The following DOP1B variants were observed in gnomAD, a reference collection of about 807,000 sequenced individuals.
DOP1B encodes DOP1 leucine zipper like protein B.
In DOP1B, 174 loss-of-function variants were observed where a neutral mutation model predicts 233.5. The ratio of observed to expected loss-of-function variants is 0.75; its 90% CI spans 0.66 to 0.85. The LOEUF is 0.85. Among genes scored for constraint, DOP1B ranks in the 40% least tolerant of loss-of-function variants. DOP1B has a pLI of 0.00. For missense variants in DOP1B, 2,652 were observed against 2,846.6 expected (o/e 0.93, Z 1.56); for synonymous variants, 1,190 against 1,185.6 (o/e 1.00, Z -0.08).
chr21:36,268,386 G>A (rs758542593), intron 26 of DOP1B, among the ~76,000 whole-genome samples: 2 of 152,066 alleles, frequency 1.3e-5, no homozygotes, highest in Non-Finnish European at 2.9e-5. Flanking sequence ...CAGACCTTAT[G>A]GTTGTCTTCC....
chr21:36,267,247 A>G (rs1344244287), intron 26 of DOP1B, among the ~76,000 whole-genome samples: 1 of 152,018 alleles, frequency 6.6e-6, no homozygotes, highest in Non-Finnish European at 1.5e-5. Context: ...TCCTCACTTC[A>G]CCCCACTGAG....
chr21:36,277,894 AG>A (rs2067370333), intron 28 of DOP1B, 80 bp from the exon 29 acceptor site: 1 of 1,127,256 alleles, frequency 8.9e-7, no homozygotes, highest in African/African-American at 1.5e-5. Flanking sequence ...CGCCCTCCTC[AG>A]CCTCCCGAAG....
chr21:36,164,696 A>T lies in DOP1B; in HGVS notation c.-26-12A>T, dbSNP rs760059992. ...GGCTCTCTCATTTGGTTATTTTTTG[A>T]TTTGCTTTTAGATACTTTTCTGCTG... is the stretch of plus-strand genomic sequence containing the variant. On this transcript the variant is annotated splice_polypyrimidine_tract_variant and intron_variant, in intron 1 of 36. Transcript: ENST00000691173. 3.9e-6 allele frequency: 6 copies of T among 1,521,904 alleles called. No homozygotes were observed. The highest frequency in any genetic ancestry group is 1.3e-5 in the South Asian group (1 of 78,682). The allele number at this position is 1,521,904 out of a possible 1,614,324, so 94.3% of individuals were successfully genotyped here. A position where few individuals can be genotyped will look rare whatever the true frequency, so the allele number is the denominator to read the frequency against.
intron 2 of DOP1B, among the ~76,000 whole-genome samples, chr21:36,172,952 C>G (rs9974509): frequency 6.6e-6 from 1 of 152,006 alleles, no homozygotes; most frequent in African/African-American, 2.4e-5. Context: ...AACCCTGTCT[C>G]TATTAAAAAT....
chr21:36,174,694 A>G (rs886857379), intron 2 of DOP1B, among the ~76,000 whole-genome samples: 3 of 152,084 alleles, frequency 2.0e-5, no homozygotes, highest in African/African-American at 7.2e-5. Flanking sequence ...TTTTCTTTTC[A>G]TAGAGACAGG....
intron 36 of DOP1B, among the ~76,000 whole-genome samples, chr21:36,292,955 C>T (rs2067576354): frequency 6.6e-6 from 1 of 151,886 alleles, no homozygotes; most frequent in South Asian, 2.1e-4. Context: ...GCTGGTAATC[C>T]CAGCATTTTG....
At chr21:36,212,787 T>A (rs996777361) in intron 7 of DOP1B, among the ~76,000 whole-genome samples, 2 of 152,228 alleles carry the variant, frequency 1.3e-5, no homozygotes, top group Non-Finnish European at 2.9e-5. Context: ...TTTAGATCTT[T>A]TTTTTCCTTT....
At chr21:36,162,009 A>C (rs60982368) in intron 1 of DOP1B, among the ~76,000 whole-genome samples, 2,467 of 152,308 alleles carry the variant, frequency 0.016, 60 homozygotes, top group African/African-American at 0.057. Context: ...TGTCTTAGTT[A>C]ATTCAGGCTG....
In DOP1B at chr21:36,263,578, C is replaced by G; in HGVS notation, c.5348C>G (p.Ser1783Cys). Residue 1783 changes from serine to cysteine, a missense_variant, in exon 25 of 37, where the codon TCT (serine) becomes TGT (cysteine). By Grantham distance (112) the Ser-to-Cys change is moderately radical (BLOSUM62 -1). This residue lies in a region of DOP1B where 2,617 missense variants were observed against 2,794.3 expected (regional missense o/e 0.94). Coordinates refer to ENST00000691173, the MANE Select transcript of DOP1B (RefSeq NM_001320714.2). ...LPVPALQENF[S>C]SLLGVLKESV... The stretch of plus-strand genomic sequence containing the variant: ...GTACCAGCCTTGCAAGAGAACTTTT[C>G]TTCACTGTTGGGAGTATTGAAAGAG... The G allele has an allele frequency of 1.2e-6, 2 of 1,614,188 alleles. No homozygotes were observed. The highest frequency in any genetic ancestry group is 1.7e-6 in the Non-Finnish European group (2 of 1,180,042).
At chr21:36,159,789 G>C (rs1430223535) in intron 1 of DOP1B, among the ~76,000 whole-genome samples, 1 of 152,118 alleles carries the variant, frequency 6.6e-6, no homozygotes, top group African/African-American at 2.4e-5. Flanking sequence ...AACTCTAGCT[G>C]CCCACACCTC....
intron 9 of DOP1B, among the ~76,000 whole-genome samples, chr21:36,216,780 A>G (rs1225560316): frequency 1.3e-5 from 2 of 152,224 alleles, no homozygotes; most frequent in South Asian, 2.1e-4. Flanking sequence ...GCAGAGGACA[A>G]GAGAGCTGAG....
At chr21:36,259,960 G>A (rs2067149479) in intron 23 of DOP1B, among the ~76,000 whole-genome samples, 1 of 152,020 alleles carries the variant, frequency 6.6e-6, no homozygotes, top group African/African-American at 2.4e-5. Flanking sequence ...CCAGCCACAG[G>A]GTTTTTGGGG....
chr21:36,159,378 G>C (rs949221580), intron 1 of DOP1B, among the ~76,000 whole-genome samples: 1 of 152,140 alleles, frequency 6.6e-6, no homozygotes, highest in African/African-American at 2.4e-5. Context: ...TTGAACTCAG[G>C]AGGCGGAGGT....
intron 27 of DOP1B, among the ~76,000 whole-genome samples, chr21:36,271,563 C>T (rs1351729444): frequency 6.6e-6 from 1 of 151,910 alleles, no homozygotes; most frequent in Non-Finnish European, 1.5e-5. Flanking sequence ...TGAGCCTCTG[C>T]GCCCGGCCCA....
intron 9 of DOP1B, among the ~76,000 whole-genome samples, chr21:36,217,061 C>G (rs138019587): frequency 0.025 from 3,119 of 124,912 alleles, 51 homozygotes; most frequent in Middle Eastern, 0.045. Flanking sequence ...AGTGACAGAG[C>G]GAGACTCCAT....
intron 23 of DOP1B, among the ~76,000 whole-genome samples, chr21:36,259,210 C>A (rs1213631607): frequency 6.6e-6 from 1 of 151,992 alleles, no homozygotes; most frequent in Non-Finnish European, 1.5e-5. Context: ...CGTGATCCAC[C>A]CGCCTCGGCT....
At chr21:36,180,513 G>A (rs1178181656) in intron 2 of DOP1B, among the ~76,000 whole-genome samples, 2 of 152,186 alleles carry the variant, frequency 1.3e-5, no homozygotes, top group African/African-American at 4.8e-5. Flanking sequence ...AGAGGTCACA[G>A]TGAGCTGAGA....
intron 1 of DOP1B, among the ~76,000 whole-genome samples, chr21:36,158,992 C>T (rs1266175389): frequency 3.3e-5 from 5 of 150,962 alleles, no homozygotes; most frequent in Non-Finnish European, 7.4e-5. Context: ...ATTAGCCAGG[C>T]ATTGTGGCGG....
At chr21:36,207,679 G>A (rs2066445329) in intron 4 of DOP1B, among the ~76,000 whole-genome samples, 1 of 152,096 alleles carries the variant, frequency 6.6e-6, no homozygotes, top group Non-Finnish European at 1.5e-5. Context: ...GGCCAACTCT[G>A]GCAAGCTCTG....
Sources: allele counts gnomAD v4.1 joint callset (sites outside exome capture counted in the v4.1 genomes callset), GRCh38; gene constraint gnomAD v4.1.1; regional missense constraint gnomAD v4.1.1; transcripts MANE v1.5; gene names NCBI Gene and HGNC (gene_info 2026-07-23, HGNC 2026-07-21).